POM121C: variants seen among roughly 807,000 people sequenced by gnomAD.
POM121C encodes nuclear envelope pore membrane protein POM 121C.
In POM121C, 20 loss-of-function variants were observed where a neutral mutation model predicts 66.4. That is an observed-to-expected ratio of 0.30 (90% CI 0.21 to 0.44). The LOEUF is 0.44. Among genes scored for constraint, POM121C ranks in the 20% least tolerant of loss-of-function variants. The probability of loss-of-function intolerance (pLI) is 1.00; values close to 1 mark genes in which losing one functional copy is unlikely to be tolerated. For missense variants in POM121C, 580 were observed against 1,225.7 expected (o/e 0.47, Z 7.87); for synonymous variants, 286 against 528.0 (o/e 0.54, Z 6.28).
intron 3 of POM121C, among the ~76,000 whole-genome samples, chr7:75,457,207 A>G (rs1791257753): frequency 7.0e-6 from 1 of 142,034 alleles, no homozygotes; most frequent in South Asian, 2.3e-4. Flanking sequence ...ATAAATAAAT[A>G]CATGAAGCAA....
rs1431093935 is a variant in POM121C at position 75,441,349 on chromosome 7, G to A, written c.65+83C>T. ...AGATTCGTCCTTTCTTTTTTGCGTTGTAGTCATGTTGTCACAGGAACAACT... is the reference window on the plus strand; with the variant it reads ...AGATTCGTCCTTTCTTTTTTGCGTTATAGTCATGTTGTCACAGGAACAACT... On this transcript the variant is annotated intron_variant, in intron 4 of 14. Transcript: ENST00000615331. 14 of 1,446,706 alleles carry A rather than the reference G, an allele frequency of 9.7e-6. No individual in the cohort carries two copies. The Admixed American group carries it at 1.1e-4, about 12-fold the overall frequency. 89.6% of individuals were successfully genotyped at this position (1,446,706 alleles called of 1,614,324 possible). A position where few individuals can be genotyped will look rare whatever the true frequency, so the allele number is the denominator to read the frequency against.
intron 3 of POM121C, among the ~76,000 whole-genome samples, chr7:75,463,152 G>A (rs1472302682): frequency 2.2e-4 from 34 of 152,056 alleles, no homozygotes; most frequent in African/African-American, 7.7e-4. Flanking sequence ...GTGAAACCCC[G>A]TCTCTACTAA....
intron 3 of POM121C, among the ~76,000 whole-genome samples, chr7:75,466,291 C>A (rs1184103975): frequency 6.7e-6 from 1 of 150,224 alleles, no homozygotes; most frequent in Non-Finnish European, 1.5e-5. Flanking sequence ...ACAAAACAAG[C>A]AGAAAGAAGG....
At chr7:75,439,884 T>TC (rs1790564041) in intron 5 of POM121C, among the ~76,000 whole-genome samples, 2 of 61,214 alleles carry the variant, frequency 3.3e-5, no homozygotes, top group Non-Finnish European at 9.1e-5. Context: ...ACATAAGGAA[T>TC]TTTTTTTTTT....
At chr7:75,433,889 A>G (rs1357880389) in intron 7 of POM121C, among the ~76,000 whole-genome samples, 2 of 152,260 alleles carry the variant, frequency 1.3e-5, no homozygotes, top group African/African-American at 4.8e-5. Flanking sequence ...ACAATGTTAC[A>G]TTAAATCCTT....
At chr7:75,440,695 T>G in intron 5 of POM121C, 2 of 554,642 alleles carry the variant, frequency 3.6e-6, no homozygotes, top group Non-Finnish European at 6.4e-6. Context: ...TACAGAAGCA[T>G]GAGGCTAACA....
At chr7:75,436,248 T>G (rs1790403258) in intron 7 of POM121C, among the ~76,000 whole-genome samples, 1 of 152,172 alleles carries the variant, frequency 6.6e-6, no homozygotes, top group South Asian at 2.1e-4. Context: ...CTCCTAAAAC[T>G]TAGACTGTAG....
In POM121C at chr7:75,421,654, G is replaced by A. The variant is rs1486917167; in HGVS notation, c.2598C>T (p.Ser866=). ...TGCTCCCACTCTGTCCTGCTCCAAAGCTGAAAGCTCCGGTGGTGGCGCTGG... is the reference window on the plus strand; with the variant it reads ...TGCTCCCACTCTGTCCTGCTCCAAAACTGAAAGCTCCGGTGGTGGCGCTGG... ...PGSSATTGAF[S]FGAGQSGSTA... The change falls in exon 13 of 15, where the codon AGC becomes AGT. Residue 866 remains serine, a synonymous_variant. Coordinates refer to ENST00000615331, the MANE Select transcript of POM121C (RefSeq NM_001099415.3). 7 of 1,613,148 alleles carry A rather than the reference G, an allele frequency of 4.3e-6. No homozygotes were observed. The highest frequency in any genetic ancestry group is 4.0e-5 in the African/African-American group (3 of 74,892).
intron 3 of POM121C, among the ~76,000 whole-genome samples, chr7:75,464,981 C>T (rs1454071612): frequency 6.8e-6 from 1 of 146,946 alleles, no homozygotes; most frequent in Non-Finnish European, 1.5e-5. Flanking sequence ...GTAGATGAAA[C>T]TATCCTGTCT....
chr7:75,442,638 AGCCCCG>A (rs1482075861), intron 3 of POM121C: 13 of 1,486,748 alleles, frequency 8.7e-6, no homozygotes, highest in African/African-American at 4.4e-5. Flanking sequence ...GGCCCGCCGC[AGCCCCG>A]GCCCCGGCCG....
chr7:75,483,590 T>G (rs587706601), intron 1 of POM121C, among the ~76,000 whole-genome samples: 10 of 152,264 alleles, frequency 6.6e-5, no homozygotes, highest in Admixed American at 6.5e-4. Context: ...TACCCAGTCT[T>G]GGTTATTTCT....
intron 3 of POM121C, among the ~76,000 whole-genome samples, chr7:75,466,466 C>G (rs1308350218): frequency 6.6e-6 from 1 of 151,632 alleles, no homozygotes; most frequent in Non-Finnish European, 1.5e-5. Context: ...ATTAGCCAGG[C>G]GTGATTGCAT....
At chr7:75,454,427 T>C (rs1250007299) in intron 3 of POM121C, among the ~76,000 whole-genome samples, 1 of 151,950 alleles carries the variant, frequency 6.6e-6, no homozygotes, top group African/African-American at 2.4e-5. Context: ...ATGATGACAA[T>C]ACAGAGGGCA....
chr7:75,435,106 A>G (rs1790352031), intron 7 of POM121C, among the ~76,000 whole-genome samples: 2 of 152,238 alleles, frequency 1.3e-5, no homozygotes, highest in Non-Finnish European at 2.9e-5. Context: ...GCCAAGGGTG[A>G]AAGGACATAT....
intron 3 of POM121C, among the ~76,000 whole-genome samples, chr7:75,470,768 G>A (rs1791840066): frequency 6.6e-6 from 1 of 151,982 alleles, no homozygotes; most frequent in African/African-American, 2.4e-5. Flanking sequence ...GAATAGCTGG[G>A]ACTACAAGTG....
At chr7:75,432,616 A>G (rs1790226474) in intron 7 of POM121C, among the ~76,000 whole-genome samples, 1 of 152,216 alleles carries the variant, frequency 6.6e-6, no homozygotes, top group African/African-American at 2.4e-5. Flanking sequence ...TGGTGGTTAC[A>G]ATTTGTTTTT....
chr7:75,459,641 CAG>C (rs1444325306), intron 3 of POM121C, among the ~76,000 whole-genome samples: 4 of 144,238 alleles, frequency 2.8e-5, no homozygotes, highest in South Asian at 2.2e-4. Flanking sequence ...AAGAAAAATC[CAG>C]AGAGATTTTT....
At chr7:75,459,921 A>C (rs1224348125) in intron 3 of POM121C, among the ~76,000 whole-genome samples, 21 of 148,438 alleles carry the variant, frequency 1.4e-4, no homozygotes, top group African/African-American at 4.7e-4. Context: ...CTAGCCAATG[A>C]TCATAAGTAT....
intron 3 of POM121C, among the ~76,000 whole-genome samples, chr7:75,457,196 AATAAATAAATAC>A (rs1416584689): frequency 3.3e-4 from 41 of 123,404 alleles, no homozygotes; most frequent in Non-Finnish European, 5.5e-4. Flanking sequence ...TAAATAAATA[AATAAATAAATAC>A]ATGAAGCAAC....
Sources: gnomAD v4.1 joint callset for allele counts (sites outside exome capture counted in the v4.1 genomes callset) on GRCh38, gnomAD v4.1.1 for gene constraint, MANE v1.5 for transcripts, NCBI Gene and HGNC (gene_info 2026-07-23, HGNC 2026-07-21) for gene names.